The following ARL15 variants were observed in gnomAD, a reference collection of about 807,000 sequenced individuals.
ARL15 encodes ARF like GTPase 15, also known as ADP-ribosylation factor-like protein 15.
ARL15 carries 19 observed loss-of-function variants against 25.2 expected under a neutral mutation model. That is an observed-to-expected ratio of 0.75 (90% confidence interval 0.53 to 1.10). The LOEUF is 1.10. ARL15 is among the 50% of genes least tolerant of loss of function. ARL15 has a pLI of 0.00. For missense variants in ARL15, 220 were observed against 246.0 expected, an observed-to-expected ratio of 0.89 and a Z score of 0.71; for synonymous variants, 94 against 86.8, an observed-to-expected ratio of 1.08 and a Z score of -0.46.
chr5:54,088,029 A>G (rs1579785484), intron 4 of ARL15, among the ~76,000 whole-genome samples: 1 of 152,302 alleles, frequency 6.6e-6, no homozygotes, highest in East Asian at 1.9e-4. Context: ...ATATTAGCTG[A>G]TTGATTGTAC....
intron 1 of ARL15, among the ~76,000 whole-genome samples, chr5:54,213,748 C>CA (rs1036259823): frequency 9.8e-4 from 149 of 151,792 alleles, no homozygotes; most frequent in African/African-American, 3.4e-3. Context: ...ATAATTTATC[C>CA]AAAAAAATAC....
intron 4 of ARL15, among the ~76,000 whole-genome samples, chr5:54,090,029 G>A (rs1467409298): frequency 6.6e-6 from 1 of 152,072 alleles, no homozygotes; most frequent in Non-Finnish European, 1.5e-5. Context: ...TACCTAATAA[G>A]GTTGGATATG....
At chr5:54,198,178 C>T (rs1184520907) in intron 1 of ARL15, among the ~76,000 whole-genome samples, 1 of 152,186 alleles carries the variant, frequency 6.6e-6, no homozygotes, top group Non-Finnish European at 1.5e-5. Flanking sequence ...GACAAACCCA[C>T]AGCCAATATC....
intron 2 of ARL15, among the ~76,000 whole-genome samples, chr5:54,165,145 TC>T (rs1038045086): frequency 1.4e-4 from 21 of 152,080 alleles, no homozygotes; most frequent in African/African-American, 5.1e-4. Context: ...CTTCCCTTTT[TC>T]CCCATGACCT....
At chr5:54,105,751 T>G (rs1254947969) in intron 4 of ARL15, among the ~76,000 whole-genome samples, 1 of 152,096 alleles carries the variant, frequency 6.6e-6, no homozygotes, top group Non-Finnish European at 1.5e-5. Flanking sequence ...CCCAGCTAAT[T>G]TTTCTGCTTT....
At chr5:54,165,656 A>T (rs1754540563) in intron 2 of ARL15, among the ~76,000 whole-genome samples, 1 of 151,354 alleles carries the variant, frequency 6.6e-6, no homozygotes, top group Admixed American at 6.6e-5. Flanking sequence ...CAAGAGAAAA[A>T]AAAAACCAAA....
chr5:54,197,904 C>T (rs1239218615), intron 1 of ARL15, among the ~76,000 whole-genome samples: 1 of 152,112 alleles, frequency 6.6e-6, no homozygotes, highest in Non-Finnish European at 1.5e-5. Context: ...CAATAAAATA[C>T]TGGCAAACCG....
At chr5:54,050,231 A>C (rs1750663967) in intron 4 of ARL15, among the ~76,000 whole-genome samples, 1 of 152,206 alleles carries the variant, frequency 6.6e-6, no homozygotes, top group African/African-American at 2.4e-5. Flanking sequence ...CTGGTGCTAC[A>C]TTACAATGGG....
chr5:53,993,971 A>T (rs1748587230), intron 4 of ARL15, among the ~76,000 whole-genome samples: 1 of 152,156 alleles, frequency 6.6e-6, no homozygotes, highest in African/African-American at 2.4e-5. Flanking sequence ...CATTGTCAAG[A>T]TATTTGTGGT....
chr5:54,235,893 A>C (rs992258809), intron 1 of ARL15, among the ~76,000 whole-genome samples: 3 of 152,242 alleles, frequency 2.0e-5, no homozygotes, highest in Admixed American at 2.0e-4. Context: ...TTAATTCAAA[A>C]TAATCAAATA....
intron 1 of ARL15, among the ~76,000 whole-genome samples, chr5:54,240,775 A>T (rs376740963): frequency 2.0e-4 from 31 of 151,740 alleles, no homozygotes; most frequent in Middle Eastern, 3.4e-3. Flanking sequence ...AAATCCACAA[A>T]GCTCCGAAAT....
chr5:53,980,402 G>T (rs1178832478), intron 4 of ARL15, among the ~76,000 whole-genome samples: 1 of 152,154 alleles, frequency 6.6e-6, no homozygotes, highest in African/African-American at 2.4e-5. Flanking sequence ...GCCAACAAGT[G>T]GCAAACATAA....
At chr5:54,188,471 CTT>C (rs755794715) in intron 1 of ARL15, among the ~76,000 whole-genome samples, 1 of 152,122 alleles carries the variant, frequency 6.6e-6, no homozygotes, top group Non-Finnish European at 1.5e-5. Flanking sequence ...GCTCATGACT[CTT>C]TGACTTTAGT....
chr5:54,027,482 T>C (rs1749816839), intron 4 of ARL15, among the ~76,000 whole-genome samples: 1 of 152,172 alleles, frequency 6.6e-6, no homozygotes, highest in South Asian at 2.1e-4. Flanking sequence ...AAAGGGGAAT[T>C]AATTATGTTA....
At chr5:54,289,628 C>T (rs1045178569) in intron 1 of ARL15, among the ~76,000 whole-genome samples, 1 of 125,318 alleles carries the variant, frequency 8.0e-6, no homozygotes, top group Admixed American at 7.2e-5. Context: ...AATCTAACAG[C>T]TTTCAGTGTT....
At chr5:53,999,310 C>T (rs1480748762) in intron 4 of ARL15, among the ~76,000 whole-genome samples, 3 of 152,144 alleles carry the variant, frequency 2.0e-5, no homozygotes, top group African/African-American at 4.8e-5. Context: ...AGTGGAAGGC[C>T]GGGCGTGGTG....
chr5:54,218,966 C>T (rs892052943), intron 1 of ARL15, among the ~76,000 whole-genome samples: 2 of 141,048 alleles, frequency 1.4e-5, no homozygotes, highest in Admixed American at 7.5e-5. Context: ...TAACGTTTTA[C>T]GGAAAAACTG....
chr5:53,969,950 G>A (rs942207634), intron 4 of ARL15, among the ~76,000 whole-genome samples: 2 of 152,182 alleles, frequency 1.3e-5, no homozygotes, highest in African/African-American at 4.8e-5. Context: ...ATATGTAAAT[G>A]AAAATGTGGT....
At chr5:54,029,251 T>A (rs1326774518) in intron 4 of ARL15, among the ~76,000 whole-genome samples, 1 of 151,890 alleles carries the variant, frequency 6.6e-6, no homozygotes, top group Non-Finnish European at 1.5e-5. Context: ...CATGAGATAA[T>A]GTTTGTTAAA....
Sources: gnomAD v4.1 joint callset for allele counts (sites outside exome capture counted in the v4.1 genomes callset) on GRCh38, gnomAD v4.1.1 for gene constraint, MANE v1.5 for transcripts, NCBI Gene and HGNC (gene_info 2026-07-23, HGNC 2026-07-21) for gene names.